Variants in BACH2 observed in about 807,000 individuals in gnomAD.
The protein encoded by BACH2 is transcription regulator protein BACH2.
A neutral mutation model predicts 61.8 loss-of-function variants in BACH2; 5 were observed. That is an observed-to-expected ratio of 0.08 (90% CI 0.04 to 0.17). The LOEUF is 0.17. Among genes scored for constraint, BACH2 ranks in the 10% least tolerant of loss-of-function variants. The pLI is 1.00. For missense variants in BACH2, 824 were observed against 1,091.1 expected, an observed-to-expected ratio of 0.76 and a Z score of 3.45; for synonymous variants, 446 against 440.1, an observed-to-expected ratio of 1.01 and a Z score of -0.17.
chr6:90,194,184 T>C (rs1407121086), intron 4 of BACH2, among the ~76,000 whole-genome samples: 3 of 152,142 alleles, frequency 2.0e-5, no homozygotes, highest in Non-Finnish European at 2.9e-5. Flanking sequence ...TTTTCCAAAG[T>C]TCTCAATATT....
At position 90,179,959 on chromosome 6, in the gene BACH2, G is replaced by A. The variant is rs148426928; in HGVS notation, c.-162+26610C>T. ...AATTGTAGAATAAAAAATTCTAATA[G>A]TTACCCCACTGGAATATTATGCACC... On this transcript the variant is annotated intron_variant, in intron 4 of 8. Coordinates refer to ENST00000257749, the MANE Select transcript of BACH2 (RefSeq NM_021813.4). Among the ~76,000 whole-genome samples, 462 of 152,148 alleles carry A rather than the reference G, an allele frequency of 3.0e-3. 8 individuals are homozygous for A. The highest frequency in any genetic ancestry group is 1.1e-3 in the Non-Finnish European group (76 of 67,988).
intron 2 of BACH2, among the ~76,000 whole-genome samples, chr6:90,269,240 T>C (rs1771444140): frequency 6.6e-6 from 1 of 151,620 alleles, no homozygotes; most frequent in African/African-American, 2.4e-5. Context: ...CAATATTCTA[T>C]GCTGGGGGTG....
Position 90,106,734 on chromosome 6 carries a change from CTAA to C in BACH2, c.-161-17628_-161-17626del, listed in dbSNP as rs528202515. 2.0e-3 allele frequency among the ~76,000 whole-genome samples: 305 copies of C among 152,344 alleles called. 1 individual carries two copies. The highest frequency in any genetic ancestry group is 7.0e-3 in the African/African-American group (291 of 41,584). The stretch of plus-strand genomic sequence containing the variant: ...AGTGGGTGGCGCTGATTAAATACCT[CTAA>C]TGAGAAGAAAGGTACTGCCAAGTCA... On this transcript the variant is annotated intron_variant, in intron 4 of 8. Transcript: ENST00000257749.
intron 3 of BACH2, among the ~76,000 whole-genome samples, chr6:90,243,851 T>A (rs1004074353): frequency 6.6e-6 from 1 of 152,230 alleles, no homozygotes. Context: ...TCTACCTTTA[T>A]GTAGTAAAAT....
intron 5 of BACH2, among the ~76,000 whole-genome samples, chr6:90,018,492 C>A (rs1778186942): frequency 6.6e-6 from 1 of 152,178 alleles, no homozygotes; most frequent in Admixed American, 6.5e-5. Context: ...TCTTAAAAAT[C>A]ATTATTTCAT....
intron 4 of BACH2, among the ~76,000 whole-genome samples, chr6:90,182,082 G>A (rs181419554): frequency 1.8e-4 from 28 of 152,264 alleles, no homozygotes; most frequent in Admixed American, 1.8e-3. Flanking sequence ...TTCTGGGGTG[G>A]AGCATGATAG....
chr6:90,296,291 C>G (rs556130845), intron 1 of BACH2, among the ~76,000 whole-genome samples, 189 bp downstream of exon 1: 2 of 151,792 alleles, frequency 1.3e-5, no homozygotes, highest in Admixed American at 6.6e-5. Flanking sequence ...CACCCCCTTC[C>G]CGTTCCTAGA....
chr6:90,093,252 A>G (rs1334171211), intron 4 of BACH2, among the ~76,000 whole-genome samples: 1 of 152,168 alleles, frequency 6.6e-6, no homozygotes, highest in African/African-American at 2.4e-5. Context: ...AGTCTCAAAG[A>G]GACGGCCACC....
At chr6:90,274,231 CTGA>C (rs1771620636) in intron 1 of BACH2, among the ~76,000 whole-genome samples, 2 of 152,124 alleles carry the variant, frequency 1.3e-5, no homozygotes, top group South Asian at 4.1e-4. Flanking sequence ...ATTCTATGCC[CTGA>C]TGAGAGAATA....
chr6:89,998,153 T>G (rs1245354297), intron 6 of BACH2, among the ~76,000 whole-genome samples: 1 of 142,216 alleles, frequency 7.0e-6, no homozygotes, highest in Admixed American at 7.3e-5. Flanking sequence ...AATCTTTCAT[T>G]GGCTAAATCC....
chr6:90,136,348 G>C (rs1385752650), intron 4 of BACH2, among the ~76,000 whole-genome samples: 3 of 152,224 alleles, frequency 2.0e-5, no homozygotes, highest in Non-Finnish European at 4.4e-5. Flanking sequence ...GAGTCAGAGA[G>C]ATCTGATTTC....
intron 8 of BACH2, among the ~76,000 whole-genome samples, chr6:89,936,867 G>A (rs1047196766): frequency 6.6e-6 from 1 of 152,098 alleles, no homozygotes; most frequent in East Asian, 1.9e-4. Flanking sequence ...AACAGTCTGA[G>A]GAGCCACACT....
chr6:90,051,772 G>A (rs368712388), intron 5 of BACH2, among the ~76,000 whole-genome samples: 17 of 151,050 alleles, frequency 1.1e-4, no homozygotes, highest in African/African-American at 2.9e-4. Context: ...AAACCTGCAC[G>A]TTCAGCACAT....
At chr6:89,996,871 T>C (rs948849460) in intron 6 of BACH2, among the ~76,000 whole-genome samples, 3 of 152,184 alleles carry the variant, frequency 2.0e-5, no homozygotes, top group Non-Finnish European at 4.4e-5. Flanking sequence ...GGAGGTAATC[T>C]TGCTTTACAT....
intron 3 of BACH2, among the ~76,000 whole-genome samples, chr6:90,228,459 AG>A (rs1769986097): frequency 6.6e-6 from 1 of 152,240 alleles, no homozygotes; most frequent in Admixed American, 6.5e-5. Context: ...AAATGTTTTT[AG>A]GTTGGGCGTG....
chr6:90,123,844 A>C (rs1783740924), intron 4 of BACH2, among the ~76,000 whole-genome samples: 1 of 151,146 alleles, frequency 6.6e-6, no homozygotes, highest in Middle Eastern at 3.5e-3. Context: ...TAGAAATCTT[A>C]TGTGAGAACA....
chr6:90,106,961 T>C (rs773518496), intron 4 of BACH2, among the ~76,000 whole-genome samples: 1 of 152,224 alleles, frequency 6.6e-6, no homozygotes, highest in Non-Finnish European at 1.5e-5. Flanking sequence ...CGCTGGATAG[T>C]TGTTTCTAGT....
chr6:90,178,500 C>T (rs938810986), intron 4 of BACH2, among the ~76,000 whole-genome samples: 10 of 152,186 alleles, frequency 6.6e-5, no homozygotes, highest in Non-Finnish European at 1.0e-4. Context: ...TAACTGTACT[C>T]CTCGCTCCTA....
At chr6:90,116,835 G>T in intron 4 of BACH2, 1 of 577,208 alleles carries the variant, frequency 1.7e-6, no homozygotes, top group Non-Finnish European at 2.8e-6. Flanking sequence ...CACTAGGCTG[G>T]GATGCCTCTG....
Sources: allele counts gnomAD v4.1 joint callset (sites outside exome capture counted in the v4.1 genomes callset), GRCh38; gene constraint gnomAD v4.1.1; transcripts MANE v1.5; gene names NCBI Gene and HGNC (gene_info 2026-07-23, HGNC 2026-07-21).